TUSC3: variants seen among roughly 807,000 people sequenced by gnomAD.
The protein encoded by TUSC3 is tumor suppressor candidate 3.
TUSC3 carries 45 observed loss-of-function variants against 44.8 expected under a neutral mutation model. The observed-to-expected ratio is 1.00, with a 90% confidence interval of 0.79 to 1.29. The LOEUF (loss-of-function observed/expected upper bound fraction) is 1.29. Ranked by LOEUF, TUSC3 falls within the 50% of genes most tolerant of loss-of-function variation. TUSC3 has a pLI of 0.00. For synonymous variants in TUSC3, 212 were observed against 152.9 expected, an observed-to-expected ratio of 1.39 and a Z score of -2.85; for missense variants, 519 against 437.9, an observed-to-expected ratio of 1.19 and a Z score of -1.65.
chr8:15,625,246 ATT>A (rs372462856), intron 2 of TUSC3, among the ~76,000 whole-genome samples: 1 of 148,888 alleles, frequency 6.7e-6, no homozygotes, highest in African/African-American at 2.6e-5. Flanking sequence ...CAGTTTGCTA[ATT>A]TTTTTTTGAA....
At chr8:15,570,954 G>GTTTTTTTTTTCTTTTTT (rs1802851214) in intron 1 of TUSC3, among the ~76,000 whole-genome samples, 1 of 44,494 alleles carries the variant, frequency 2.2e-5, no homozygotes, top group Non-Finnish European at 5.2e-5. Context: ...TTGCCTATTA[G>GTTTTTTTTTTCTTTTTT]TTTTTTTTTT....
chr8:15,659,458 T>G (rs2129178991), intron 3 of TUSC3, 49 bp from the exon 4 acceptor site: 1 of 1,592,480 alleles, frequency 6.3e-7, no homozygotes. Context: ...AATATTGGAT[T>G]AATGATAAGA....
intron 1 of TUSC3, among the ~76,000 whole-genome samples, chr8:15,482,582 T>C (rs1479405270): frequency 1.3e-5 from 2 of 152,206 alleles, no homozygotes; most frequent in Non-Finnish European, 2.9e-5. Flanking sequence ...CTGATGAAGA[T>C]GTATAAGAAG....
In TUSC3 at chr8:15,467,423, A is replaced by G. The variant is rs932291861; in HGVS notation, n.92-15963A>G. ...AGTGAAAAGATTATAAACAGAATCA[A>G]TTGCAGTAAATTATACATACTGCCT... is the stretch of plus-strand genomic sequence containing the variant. On this transcript the variant is annotated intron_variant and non_coding_transcript_variant, in intron 1 of 5. Coordinates refer to the TUSC3 transcript ENST00000503191. 8.5e-5 allele frequency among the ~76,000 whole-genome samples: 13 copies of G among 152,192 alleles called. No individual in the cohort carries two copies. The South Asian group carries it at 2.5e-3, about 29-fold the overall frequency.
At chr8:15,634,667 C>T (rs1017760143) in intron 2 of TUSC3, among the ~76,000 whole-genome samples, 1 of 152,158 alleles carries the variant, frequency 6.6e-6, no homozygotes. Flanking sequence ...AAAGGTGGTT[C>T]TCAAAGACAA....
intron 2 of TUSC3, among the ~76,000 whole-genome samples, chr8:15,646,844 A>G (rs1354964867): frequency 2.0e-5 from 3 of 152,098 alleles, no homozygotes; most frequent in Non-Finnish European, 2.9e-5. Context: ...TATACAGTAA[A>G]CTTATCTTTA....
At position 15,464,566 on chromosome 8, in the gene TUSC3, A is replaced by G. The variant is rs564129238; in HGVS notation, n.92-18820A>G. On this transcript the variant is annotated intron_variant and non_coding_transcript_variant, in intron 1 of 5. Coordinates refer to the TUSC3 transcript ENST00000503191. Reference sequence around the variant, plus strand: ...TAAAATAAAGTTATTCAATATTTAGATATGTTGTATCATCCTAATATATCA... The same window carrying G: ...TAAAATAAAGTTATTCAATATTTAGGTATGTTGTATCATCCTAATATATCA... Among the ~76,000 whole-genome samples, 22 of 152,304 alleles carry G rather than the reference A, an allele frequency of 1.4e-4. 1 individual carries two copies. The highest frequency in any genetic ancestry group is 5.1e-4 in the African/African-American group (21 of 41,570).
chr8:15,435,672 G>T (rs1158785626), intron 1 of TUSC3, among the ~76,000 whole-genome samples: 1 of 152,038 alleles, frequency 6.6e-6, no homozygotes, highest in Non-Finnish European at 1.5e-5. Flanking sequence ...TTTTTAGCAG[G>T]TTGACTTAGA....
intron 5 of TUSC3, among the ~76,000 whole-genome samples, chr8:15,670,309 T>C (rs1458141680): frequency 3.3e-5 from 5 of 151,788 alleles, no homozygotes; most frequent in African/African-American, 7.2e-5. Flanking sequence ...CTTACAGATA[T>C]CAACATTTAT....
At chr8:15,512,872 G>GTGTATATA (rs761482107) in intron 2 of TUSC3, among the ~76,000 whole-genome samples, 31 of 132,286 alleles carry the variant, frequency 2.3e-4, no homozygotes, top group South Asian at 1.0e-3. Flanking sequence ...ATATGTGTGT[G>GTGTATATA]TATATATATA....
intron 2 of TUSC3, among the ~76,000 whole-genome samples, chr8:15,643,056 G>A (rs1407246458): frequency 6.6e-6 from 1 of 152,150 alleles, no homozygotes; most frequent in African/African-American, 2.4e-5. Context: ...ATGTTGTTCT[G>A]ATGATAGTGA....
intron 1 of TUSC3, among the ~76,000 whole-genome samples, chr8:15,458,775 C>G (rs1283472767): frequency 6.6e-6 from 1 of 152,162 alleles, no homozygotes; most frequent in African/African-American, 2.4e-5. Context: ...CCAATCTTCA[C>G]TAGGGAAGAA....
rs1800831243 is a variant in TUSC3 at position 15,493,054 on chromosome 8, C to T, written n.189+9571C>T. On this transcript the variant is annotated intron_variant and non_coding_transcript_variant, in intron 2 of 5. Transcript: ENST00000503191. The stretch of plus-strand genomic sequence containing the variant: ...CCACTTATTAAACCTCTACTGTGTT[C>T]TATGAACAGTGCTAGGTTTTATAAT... Among the ~76,000 whole-genome samples the T allele has an allele frequency of 2.0e-5, 3 of 152,092 alleles. No homozygotes were observed. In the South Asian group the frequency reaches 6.2e-4, roughly 32 times the overall value.
chr8:15,815,043 A>G, the TUSC3 span, among the ~76,000 whole-genome samples: 1 of 152,208 alleles, frequency 6.6e-6, no homozygotes, highest in African/African-American at 2.4e-5. Context: ...GGATATAAGT[A>G]ACGAGATATA....
chr8:15,464,780 G>T (rs550330910), intron 1 of TUSC3, among the ~76,000 whole-genome samples: 2 of 152,252 alleles, frequency 1.3e-5, no homozygotes, highest in African/African-American at 2.4e-5. Context: ...CCACACCTTT[G>T]TGAGGCACAT....
intron 1 of TUSC3, among the ~76,000 whole-genome samples, chr8:15,601,158 G>C (rs1804274017): frequency 6.6e-6 from 1 of 151,670 alleles, no homozygotes; most frequent in African/African-American, 2.4e-5. Flanking sequence ...AATGATTCTA[G>C]TAGGAGGAGT....
chr8:15,633,308 G>A (rs1805906782), intron 2 of TUSC3, among the ~76,000 whole-genome samples: 1 of 152,148 alleles, frequency 6.6e-6, no homozygotes, highest in South Asian at 2.1e-4. Context: ...TAGCAACTCA[G>A]TGAGTTGAAG....
chr8:15,469,406 T>C (rs1427435352), intron 1 of TUSC3, among the ~76,000 whole-genome samples: 1 of 151,936 alleles, frequency 6.6e-6, no homozygotes, highest in African/African-American at 2.4e-5. Context: ...TGAAAATAGG[T>C]TCTATATCAC....
At chr8:15,695,335 C>G (rs1188432221) in intron 6 of TUSC3, among the ~76,000 whole-genome samples, 1 of 152,190 alleles carries the variant, frequency 6.6e-6, no homozygotes, top group East Asian at 1.9e-4. Context: ...GTTTTATAAA[C>G]AGGAGTTCCC....
Sources: gnomAD v4.1 joint callset for allele counts (sites outside exome capture counted in the v4.1 genomes callset) on GRCh38, gnomAD v4.1.1 for gene constraint, MANE v1.5 for transcripts, NCBI Gene and HGNC (gene_info 2026-07-23, HGNC 2026-07-21) for gene names.